Variants in CERS6 observed in about 807,000 individuals in gnomAD.
CERS6 encodes the protein ceramide synthase 6.
CERS6 carries 26 observed loss-of-function variants against 56.8 expected under a neutral mutation model. The ratio of observed to expected loss-of-function variants is 0.46; its 90% CI spans 0.34 to 0.63. The LOEUF (loss-of-function observed/expected upper bound fraction) is 0.63, where lower values mean the gene tolerates loss of function less well. Among genes scored for constraint, CERS6 ranks in the 30% least tolerant of loss-of-function variants. The pLI is 0.01. For missense variants in CERS6, 415 were observed against 467.5 expected, an observed-to-expected ratio of 0.89 and a Z score of 1.04; for synonymous variants, 164 against 173.3, an observed-to-expected ratio of 0.95 and a Z score of 0.42.
intron 4 of CERS6, among the ~76,000 whole-genome samples, chr2:168,638,410 T>G (rs1684911176): frequency 6.7e-6 from 1 of 149,818 alleles, no homozygotes; most frequent in Non-Finnish European, 1.5e-5. Flanking sequence ...TACCCTGATT[T>G]GACCATTGCA....
intron 4 of CERS6, among the ~76,000 whole-genome samples, chr2:168,681,501 TTTTATTA>T (rs1414811715): frequency 6.6e-6 from 1 of 152,188 alleles, no homozygotes; most frequent in Non-Finnish European, 1.5e-5. Flanking sequence ...TCATTCTTGT[TTTTATTA>T]TTTTTGATAT....
chr2:168,543,343 A>G (rs564572486), intron 1 of CERS6, among the ~76,000 whole-genome samples: 2 of 152,278 alleles, frequency 1.3e-5, no homozygotes, highest in African/African-American at 2.4e-5. Context: ...CCTTTCAACT[A>G]TTACATTTGT....
At chr2:168,462,862 G>GT (rs1693803218) in intron 1 of CERS6, among the ~76,000 whole-genome samples, 1 of 152,128 alleles carries the variant, frequency 6.6e-6, no homozygotes, top group African/African-American at 2.4e-5. Context: ...TCTTTTTGGG[G>GT]TTTCTTGTTA....
At chr2:168,711,731 C>CAA (rs35886865) in intron 6 of CERS6, among the ~76,000 whole-genome samples, 1,574 of 97,820 alleles carry the variant, frequency 0.016, 55 homozygotes, top group African/African-American at 0.047. Context: ...GAGACTGTCT[C>CAA]AAAAAAAAAA....
At chr2:168,568,374 G>A (rs1236279898) in intron 3 of CERS6, among the ~76,000 whole-genome samples, 2 of 152,170 alleles carry the variant, frequency 1.3e-5, no homozygotes, top group Non-Finnish European at 2.9e-5. Context: ...TTGAACCTAT[G>A]TACTATTTCT....
intron 8 of CERS6, among the ~76,000 whole-genome samples, chr2:168,718,442 C>G (rs1477750546): frequency 1.3e-5 from 2 of 152,176 alleles, no homozygotes; most frequent in East Asian, 1.9e-4. Flanking sequence ...GAGTGAGAAA[C>G]TCTGGATATA....
intron 4 of CERS6, among the ~76,000 whole-genome samples, chr2:168,687,839 G>A (rs1686393668): frequency 6.6e-6 from 1 of 152,060 alleles, no homozygotes; most frequent in Non-Finnish European, 1.5e-5. Flanking sequence ...GAGTAGCTGG[G>A]ACTATAGGCA....
intron 3 of CERS6, among the ~76,000 whole-genome samples, chr2:168,591,072 T>C (rs1019328161): frequency 4.6e-5 from 7 of 152,218 alleles, no homozygotes; most frequent in Non-Finnish European, 1.0e-4. Context: ...TATTATAATA[T>C]TATCTAGGAC....
At chr2:168,643,237 C>G (rs10175722) in intron 4 of CERS6, among the ~76,000 whole-genome samples, 1 of 151,980 alleles carries the variant, frequency 6.6e-6, no homozygotes, top group Admixed American at 6.5e-5. Context: ...AGTGATACTT[C>G]GCTAATTAGT....
chr2:168,720,606 AAGTTTCCTCATCTCTT>A (rs1163907537), intron 8 of CERS6, among the ~76,000 whole-genome samples: 1 of 152,144 alleles, frequency 6.6e-6, no homozygotes, highest in East Asian at 1.9e-4. Context: ...CTTTGTGCTG[AAGTTTCCTCATCTCTT>A]AAATAGGAAT....
At chr2:168,621,276 G>A (rs1470868298) in intron 3 of CERS6, among the ~76,000 whole-genome samples, 1 of 152,170 alleles carries the variant, frequency 6.6e-6, no homozygotes, top group African/African-American at 2.4e-5. Flanking sequence ...ACCTTTGCCA[G>A]TGCATGTTCC....
intron 1 of CERS6, among the ~76,000 whole-genome samples, chr2:168,466,535 T>G (rs773225028): frequency 4.9e-4 from 74 of 152,350 alleles, no homozygotes; most frequent in Non-Finnish European, 8.7e-4. Flanking sequence ...TGCTGCATAT[T>G]ATAAAAACAA....
intron 1 of CERS6, among the ~76,000 whole-genome samples, chr2:168,457,865 A>T (rs1408792545): frequency 6.6e-6 from 1 of 152,142 alleles, no homozygotes; most frequent in Admixed American, 6.5e-5. Context: ...AGGAAGGTAT[A>T]TTTTTCACCG....
intron 8 of CERS6, among the ~76,000 whole-genome samples, chr2:168,760,715 G>T (rs565259501): frequency 2.6e-5 from 4 of 151,550 alleles, no homozygotes; most frequent in African/African-American, 9.8e-5. Context: ...CCAAACAAAG[G>T]CTCTTTCCTG....
chr2:168,534,919 C>T (rs916853798), intron 1 of CERS6, among the ~76,000 whole-genome samples: 20 of 152,242 alleles, frequency 1.3e-4, no homozygotes, highest in Non-Finnish European at 2.6e-4. Context: ...GTCCCTGAGC[C>T]TCTGGCTGGA....
At chr2:168,693,298 CAAAG>C (rs899484417) in intron 5 of CERS6, among the ~76,000 whole-genome samples, 16 of 152,170 alleles carry the variant, frequency 1.1e-4, no homozygotes, top group Admixed American at 3.3e-4. Flanking sequence ...TTATGAGAAT[CAAAG>C]AAATTAACAT....
intron 4 of CERS6, 31 bp downstream of exon 4, chr2:168,631,073 C>CT: frequency 8.7e-7 from 1 of 1,148,024 alleles, no homozygotes; most frequent in Non-Finnish European, 1.3e-6. Flanking sequence ...TTACATGATT[C>CT]TTATGTAAGT....
chr2:168,561,166 T>A (rs1695779092), intron 2 of CERS6, 26 bp from the exon 3 acceptor site: 2 of 1,612,560 alleles, frequency 1.2e-6, no homozygotes, highest in Non-Finnish European at 1.7e-6. Flanking sequence ...GATTGAAAAT[T>A]ATTTTTCTGG....
chr2:168,653,363 G>C (rs1685392543), intron 4 of CERS6, among the ~76,000 whole-genome samples: 1 of 152,156 alleles, frequency 6.6e-6, no homozygotes, highest in African/African-American at 2.4e-5. Context: ...CTCTGACACA[G>C]ATAATGGCCA....
Sources: gnomAD v4.1 joint callset for allele counts (sites outside exome capture counted in the v4.1 genomes callset) on GRCh38, gnomAD v4.1.1 for gene constraint, MANE v1.5 for transcripts, NCBI Gene and HGNC (gene_info 2026-07-23, HGNC 2026-07-21) for gene names.